The following TRIM2 variants were observed in gnomAD, a reference collection of about 807,000 sequenced individuals.
TRIM2 encodes tripartite motif-containing protein 2.
TRIM2 carries 20 observed loss-of-function variants against 75.2 expected under a neutral mutation model. The observed-to-expected ratio is 0.27, with a 90% CI of 0.19 to 0.39. The LOEUF is 0.39. Among genes scored for constraint, TRIM2 ranks in the 10% least tolerant of loss-of-function variants. The pLI is 1.00. For synonymous variants in TRIM2, 373 were observed against 388.3 expected (o/e 0.96, Z 0.46); for missense variants, 660 against 990.8 (o/e 0.67, Z 4.48).
chr4:153,188,171 G>A (rs9307904), intron 1 of TRIM2, among the ~76,000 whole-genome samples: 43,714 of 152,160 alleles, frequency 0.29, 7,988 homozygotes, highest in African/African-American at 0.52. Flanking sequence ...ATACTTGTAA[G>A]AGCGAGGGCC....
chr4:153,293,766 A>G (rs1762271837), intron 4 of TRIM2, among the ~76,000 whole-genome samples: 1 of 152,256 alleles, frequency 6.6e-6, no homozygotes, highest in African/African-American at 2.4e-5. Context: ...GAAACTTACG[A>G]GAAGTTCTCA....
At position 153,335,937 on chromosome 4, in the gene TRIM2, G is replaced by A. The variant is rs1772396947; in HGVS notation, c.*971G>A. The A allele has an allele frequency of 1.0e-6, 1 of 985,860 alleles. No individual in the cohort carries two copies. The allele number at this position is 985,860 out of a possible 1,614,324, so 61.1% of individuals were successfully genotyped here. A position where few individuals can be genotyped will look rare whatever the true frequency, so the allele number is the denominator to read the frequency against. On this transcript the variant is annotated 3_prime_UTR_variant, in exon 12 of 12. Coordinates refer to ENST00000338700, the MANE Select transcript of TRIM2 (RefSeq NM_015271.5). The stretch of plus-strand genomic sequence containing the variant: ...TAAGTAGCCCTTTGGAGGACTGATG[G>A]TGTCAACCAAAGGCATGTGATTGAT...
At chr4:153,254,847 C>T (rs563533653) in intron 1 of TRIM2, among the ~76,000 whole-genome samples, 76 of 152,310 alleles carry the variant, frequency 5.0e-4, no homozygotes, top group African/African-American at 1.7e-3. Context: ...CTATGTAATG[C>T]TATTTCCAGG....
chr4:153,195,446 G>A (rs556077206), intron 1 of TRIM2, among the ~76,000 whole-genome samples: 7 of 152,144 alleles, frequency 4.6e-5, no homozygotes, highest in Non-Finnish European at 1.0e-4. Flanking sequence ...AGCATAGGAG[G>A]TTGAGGTTGC....
intron 11 of TRIM2, among the ~76,000 whole-genome samples, chr4:153,334,445 C>G (rs1165119069): frequency 7.5e-6 from 1 of 132,734 alleles, no homozygotes; most frequent in Non-Finnish European, 1.6e-5. Flanking sequence ...TCAGGCTGTT[C>G]TTAAACTCCT....
chr4:153,222,176 A>G (rs1041095318), intron 1 of TRIM2: 2 of 151,836 alleles, frequency 1.3e-5, no homozygotes, highest in African/African-American at 4.8e-5. Context: ...ATTGTATCAT[A>G]CTTGACTCAT....
intron 1 of TRIM2, among the ~76,000 whole-genome samples, chr4:153,247,695 A>AAAAC (rs1578946260): frequency 6.6e-6 from 1 of 151,202 alleles, no homozygotes; most frequent in African/African-American, 2.4e-5. Context: ...AAAAAAAAAA[A>AAAAC]AAAAAACTGT....
chr4:153,202,782 T>C (rs1255900461), upstream of TRIM2, among the ~76,000 whole-genome samples: 1 of 150,796 alleles, frequency 6.6e-6, no homozygotes, highest in African/African-American at 2.4e-5. Context: ...CAAAGGGCAT[T>C]GGAAGGTTAA....
intron 1 of TRIM2, 22 bp downstream of exon 1, chr4:153,204,582 G>T (rs914477247): frequency 1.9e-6 from 3 of 1,551,548 alleles, no homozygotes; most frequent in Non-Finnish European, 2.6e-6. Flanking sequence ...TCTCAATGTG[G>T]GATAATTCTT....
At chr4:153,294,139 T>A (rs1428406099) in intron 4 of TRIM2, among the ~76,000 whole-genome samples, 166 bp from the exon 5 acceptor site, 4 of 152,160 alleles carry the variant, frequency 2.6e-5, no homozygotes, top group Non-Finnish European at 5.9e-5. Flanking sequence ...AAATCTCTTC[T>A]CTCTAAGGCA....
chr4:153,209,671 G>A (rs1736413789), intron 1 of TRIM2, among the ~76,000 whole-genome samples: 2 of 152,182 alleles, frequency 1.3e-5, no homozygotes, highest in Admixed American at 6.5e-5. Context: ...TCTAGAAACC[G>A]TGGGAGACAA....
chr4:153,312,080 A>G (rs1297591286), intron 6 of TRIM2, among the ~76,000 whole-genome samples: 2 of 103,162 alleles, frequency 1.9e-5, no homozygotes, highest in Non-Finnish European at 2.0e-5. Context: ...CCACCCCACA[A>G]CAGTCCCCAG....
intron 3 of TRIM2, among the ~76,000 whole-genome samples, chr4:153,284,283 C>G (rs1170086473): frequency 2.0e-5 from 3 of 151,848 alleles, no homozygotes; most frequent in Non-Finnish European, 4.4e-5. Flanking sequence ...TTACTCCAAC[C>G]TCTGCCTCCT....
At chr4:153,221,358 G>A (rs1560833403) in intron 1 of TRIM2, among the ~76,000 whole-genome samples, 1 of 152,250 alleles carries the variant, frequency 6.6e-6, no homozygotes, top group East Asian at 1.9e-4. Flanking sequence ...AGCCCAGGAA[G>A]TCAAGGCTGC....
chr4:153,267,415 G>A (rs932361727), intron 1 of TRIM2, among the ~76,000 whole-genome samples: 2 of 152,218 alleles, frequency 1.3e-5, no homozygotes, highest in Non-Finnish European at 2.9e-5. Flanking sequence ...CACTTTGGGA[G>A]GCTGAGGCGG....
chr4:153,244,953 G>GCCTT (rs1177413476), intron 1 of TRIM2, among the ~76,000 whole-genome samples: 2 of 152,156 alleles, frequency 1.3e-5, no homozygotes, highest in African/African-American at 2.4e-5. Flanking sequence ...GGTTCCTCCT[G>GCCTT]CCTTCCCTCA....
intron 1 of TRIM2, among the ~76,000 whole-genome samples, chr4:153,232,364 T>A (rs913911485): frequency 4.6e-5 from 7 of 152,156 alleles, no homozygotes; most frequent in Non-Finnish European, 7.3e-5. Context: ...CTGGTCGTGG[T>A]GGCGCACGCC....
At chr4:153,205,858 G>C (rs754167760) in intron 1 of TRIM2, among the ~76,000 whole-genome samples, 4 of 152,202 alleles carry the variant, frequency 2.6e-5, no homozygotes, top group Non-Finnish European at 5.9e-5. Context: ...ATGAATGCTT[G>C]AACCCATTGT....
intron 6 of TRIM2, among the ~76,000 whole-genome samples, chr4:153,314,279 G>A (rs188269534): frequency 6.6e-6 from 1 of 150,682 alleles, no homozygotes; most frequent in East Asian, 1.9e-4. Context: ...AATTAGCCGG[G>A]CGTAGTGGCG....
Sources: allele counts gnomAD v4.1 joint callset (sites outside exome capture counted in the v4.1 genomes callset), GRCh38; gene constraint gnomAD v4.1.1; transcripts MANE v1.5; gene names NCBI Gene and HGNC (gene_info 2026-07-23, HGNC 2026-07-21).